Variants in TAB2 observed in about 807,000 individuals in gnomAD.
TAB2 encodes the protein TGF-beta-activated kinase 1 and MAP3K7-binding protein 2.
A neutral mutation model predicts 65.0 loss-of-function variants in TAB2; 3 were observed. The observed-to-expected ratio is 0.05, with a 90% CI of 0.02 to 0.12. The LOEUF (loss-of-function observed/expected upper bound fraction) is 0.12. TAB2 is among the 10% of genes least tolerant of loss of function. The pLI is 1.00. For synonymous variants in TAB2, 298 were observed against 285.1 expected (o/e 1.05, Z -0.46); for missense variants, 623 against 840.3 (o/e 0.74, Z 3.20).
At chr6:149,250,643 C>T (rs1010368736) in intron 1 of TAB2, among the ~76,000 whole-genome samples, 1 of 152,156 alleles carries the variant, frequency 6.6e-6, no homozygotes, top group South Asian at 2.1e-4. Flanking sequence ...GGCATTATTA[C>T]ATCTGGGTTT....
Position 149,268,510 on chromosome 6 carries a change from C to T in TAB2, c.-121+49734C>T, listed in dbSNP as rs115965876. The stretch of plus-strand genomic sequence containing the variant: ...AAGACAGAGACTCAAAGAACAGCTG[C>T]ATGTGGAAGGAAAATGTTGACATTT... On this transcript the variant is annotated intron_variant, in intron 1 of 1. Coordinates refer to the TAB2 transcript ENST00000606202. 6.1e-3 allele frequency among the ~76,000 whole-genome samples: 923 copies of T among 152,264 alleles called. 14 individuals are homozygous for T. Among genetic ancestry groups the T allele is most frequent in the African/African-American group, 0.021 (879 of 41,534 alleles).
chr6:149,356,725 A>G (rs910988285), intron 1 of TAB2, among the ~76,000 whole-genome samples: 1 of 152,224 alleles, frequency 6.6e-6, no homozygotes, highest in Non-Finnish European at 1.5e-5. Context: ...CATTCACACC[A>G]TAGCAGGTGA....
At chr6:149,345,052 C>A (rs1436312281) in intron 1 of TAB2, among the ~76,000 whole-genome samples, 2 of 151,908 alleles carry the variant, frequency 1.3e-5, no homozygotes, top group Non-Finnish European at 2.9e-5. Flanking sequence ...AACAATAAGC[C>A]TACTTCTTTT....
At chr6:149,261,060 C>G (rs901319198) in intron 1 of TAB2, among the ~76,000 whole-genome samples, 6 of 152,154 alleles carry the variant, frequency 3.9e-5, no homozygotes, top group African/African-American at 1.4e-4. Flanking sequence ...TGGAGAGGCC[C>G]TTTTTCATCC....
At chr6:149,269,242 CAG>C (rs1778317795) in intron 1 of TAB2, among the ~76,000 whole-genome samples, 1 of 152,106 alleles carries the variant, frequency 6.6e-6, no homozygotes, top group Admixed American at 6.5e-5. Flanking sequence ...TTGTAAATAG[CAG>C]AGTTTCAACA....
chr6:149,256,708 G>A (rs1778043432), intron 1 of TAB2, among the ~76,000 whole-genome samples: 1 of 152,182 alleles, frequency 6.6e-6, no homozygotes, highest in South Asian at 2.1e-4. Flanking sequence ...TTTGGTGGAT[G>A]TTCCCAAAAT....
intron 1 of TAB2, among the ~76,000 whole-genome samples, chr6:149,222,280 G>C (rs1777164433): frequency 6.6e-6 from 1 of 152,050 alleles, no homozygotes; most frequent in African/African-American, 2.4e-5. Flanking sequence ...AGGTGATTGT[G>C]GGACTCTTCA....
chr6:149,365,244 A>G (rs909458907), intron 1 of TAB2, among the ~76,000 whole-genome samples: 2 of 152,158 alleles, frequency 1.3e-5, no homozygotes, highest in African/African-American at 4.8e-5. Context: ...TACAGAGTAA[A>G]TTTATAAGAT....
Position 149,265,467 on chromosome 6 carries a change from A to G in TAB2, c.-121+46691A>G, listed in dbSNP as rs555675706. Among the ~76,000 whole-genome samples the G allele has an allele frequency of 6.8e-4, 103 of 152,234 alleles. 1 individual carries two copies. In the South Asian group the frequency reaches 0.02, roughly 30 times the overall value. Reference sequence around the variant, plus strand: ...AATTGGGATAACATTTCATATCCACAGGAATGGAAATCATAACCAATAGCT... The same window carrying G: ...AATTGGGATAACATTTCATATCCACGGGAATGGAAATCATAACCAATAGCT... On this transcript the variant is annotated intron_variant, in intron 1 of 1. Transcript: ENST00000606202.
chr6:149,310,562 A>G (rs1250912901), intron 1 of TAB2, among the ~76,000 whole-genome samples: 3 of 116,926 alleles, frequency 2.6e-5, no homozygotes, highest in Non-Finnish European at 5.2e-5. Context: ...GGAAAATAAT[A>G]TATATATTTT....
intron 6 of TAB2, among the ~76,000 whole-genome samples, chr6:149,405,512 A>G (rs1032358593): frequency 6.6e-6 from 1 of 152,244 alleles, no homozygotes; most frequent in African/African-American, 2.4e-5. Flanking sequence ...AAATTTCTGT[A>G]TATGGATAAA....
chr6:149,259,161 T>C (rs1014900785), intron 1 of TAB2, among the ~76,000 whole-genome samples: 2 of 152,184 alleles, frequency 1.3e-5, no homozygotes, highest in Non-Finnish European at 2.9e-5. Context: ...GACACTAAGT[T>C]TGTGGTCATT....
intron 3 of TAB2, among the ~76,000 whole-genome samples, chr6:149,393,393 A>T (rs992483983): frequency 2.6e-5 from 4 of 152,212 alleles, no homozygotes; most frequent in Admixed American, 6.5e-5. Flanking sequence ...ATCTTCAGCC[A>T]TTGCAAAACC....
chr6:149,343,274 T>G (rs1280291072), intron 1 of TAB2, among the ~76,000 whole-genome samples: 1 of 151,948 alleles, frequency 6.6e-6, no homozygotes, highest in African/African-American at 2.4e-5. Context: ...AAAAAGTTGA[T>G]ATATTCATAC....
At chr6:149,341,030 C>T (rs1780104973) in intron 1 of TAB2, among the ~76,000 whole-genome samples, 2 of 151,908 alleles carry the variant, frequency 1.3e-5, no homozygotes, top group Admixed American at 6.6e-5. Context: ...TTTTCTTTGC[C>T]CTTAAAACAT....
intron 1 of TAB2, among the ~76,000 whole-genome samples, chr6:149,309,862 CTG>C (rs928658779): frequency 2.2e-5 from 3 of 137,466 alleles, no homozygotes; most frequent in Admixed American, 7.3e-5. Context: ...CCAGGACACA[CTG>C]TGTGTGTGTG....
intron 1 of TAB2, among the ~76,000 whole-genome samples, chr6:149,311,206 A>G (rs1208663205): frequency 6.6e-6 from 1 of 152,194 alleles, no homozygotes; most frequent in African/African-American, 2.4e-5. Flanking sequence ...GTTCTGCAAA[A>G]TCAGCTACTT....
Position 149,408,826 on chromosome 6 carries a change from T to A in TAB2, c.1940-751T>A, listed in dbSNP as rs1055954866. On this transcript the variant is annotated intron_variant, in intron 6 of 6. Transcript: ENST00000637181. ...TAAACATTCTAGAACATTGGTCTCT[T>A]AGAGTTCCAGTGACCTTTATTTTAT... Among the ~76,000 whole-genome samples, 3 of 152,126 alleles carry A rather than the reference T, an allele frequency of 2.0e-5. 1 individual carries two copies. Among genetic ancestry groups the A allele is most frequent in the Non-Finnish European group, 2.9e-5 (2 of 68,000 alleles).
intron 1 of TAB2, among the ~76,000 whole-genome samples, chr6:149,231,331 T>C (rs1270497405): frequency 1.3e-5 from 2 of 152,348 alleles, no homozygotes; most frequent in Non-Finnish European, 2.9e-5. Context: ...TTATTTTCTG[T>C]TCCATAGAAA....
Sources: gnomAD v4.1 joint callset for allele counts (sites outside exome capture counted in the v4.1 genomes callset) on GRCh38, gnomAD v4.1.1 for gene constraint, MANE v1.5 for transcripts, NCBI Gene and HGNC (gene_info 2026-07-23, HGNC 2026-07-21) for gene names.